The following VDAC1 variants were observed in gnomAD, a reference collection of about 807,000 sequenced individuals.
The protein encoded by VDAC1 is non-selective voltage-gated ion channel VDAC1.
Under a neutral mutation model 34.7 loss-of-function variants are expected in VDAC1, and 10 were observed. The observed-to-expected ratio is 0.29, with a 90% CI of 0.18 to 0.49. VDAC1 has a LOEUF of 0.49. Among genes scored for constraint, VDAC1 ranks in the 20% least tolerant of loss-of-function variants. The probability of loss-of-function intolerance (pLI) is 0.99; values close to 1 mark genes in which losing one functional copy is unlikely to be tolerated. For synonymous variants in VDAC1, 130 were observed against 136.0 expected (o/e 0.96, Z 0.30); for missense variants, 230 against 347.9 (o/e 0.66, Z 2.69).
chr5:134,033,138 T>C, the VDAC1 span, among the ~76,000 whole-genome samples: 1 of 148,070 alleles, frequency 6.8e-6, no homozygotes, highest in African/African-American at 2.5e-5. Context: ...CAAGGAAATC[T>C]AGGAAGTAGA....
chr5:134,027,320 T>C, the VDAC1 span, among the ~76,000 whole-genome samples: 1 of 152,132 alleles, frequency 6.6e-6, no homozygotes, highest in Non-Finnish European at 1.5e-5. Context: ...TCCCGTTGCC[T>C]CCTTCACCTG....
At chr5:134,036,790 A>G in the VDAC1 span, among the ~76,000 whole-genome samples, 7 of 152,022 alleles carry the variant, frequency 4.6e-5, no homozygotes, top group African/African-American at 1.7e-4. Context: ...CATCTCTACT[A>G]AAAATACAAA....
chr5:133,972,453 A>T lies in VDAC1; in HGVS notation c.*318T>A. The T allele has an allele frequency of 2.3e-6, 1 of 438,922 alleles. No homozygotes were observed. Among genetic ancestry groups the T allele is most frequent in the Non-Finnish European group, 4.0e-6 (1 of 250,702 alleles). 27.2% of individuals were successfully genotyped at this position (438,922 alleles called of 1,614,324 possible). ...CAGGAAATCACAATTTCATTCATTTACTCAATATGAATTTACAAAGTGCCT... is the reference window on the plus strand; with the variant it reads ...CAGGAAATCACAATTTCATTCATTTTCTCAATATGAATTTACAAAGTGCCT... On this transcript the variant is annotated 3_prime_UTR_variant, in exon 9 of 9. Transcript: ENST00000265333.
intron 5 of VDAC1, among the ~76,000 whole-genome samples, chr5:133,986,328 TCCATGATGCACCA>T (rs1282578431): frequency 6.6e-6 from 1 of 152,102 alleles, no homozygotes; most frequent in Non-Finnish European, 1.5e-5. Context: ...GTTTCTAATC[TCCATGATGCACCA>T]CCAGAACTTT....
chr5:134,038,107 C>T, the VDAC1 span, among the ~76,000 whole-genome samples: 3 of 151,938 alleles, frequency 2.0e-5, no homozygotes, highest in Non-Finnish European at 2.9e-5. Context: ...ATGTGGGTTC[C>T]CAAGCAATAA....
the VDAC1 span, among the ~76,000 whole-genome samples, chr5:134,041,695 C>A: frequency 6.6e-6 from 1 of 152,188 alleles, no homozygotes; most frequent in Non-Finnish European, 1.5e-5. Context: ...GGCCTTGGAG[C>A]CATGCCTGGG....
chr5:134,063,051 A>T, the VDAC1 span, among the ~76,000 whole-genome samples: 1 of 152,214 alleles, frequency 6.6e-6, no homozygotes, highest in Admixed American at 6.5e-5. Context: ...TTGCTTTTTT[A>T]AAATAAACTT....
chr5:134,055,702 A>G, the VDAC1 span, among the ~76,000 whole-genome samples: 2 of 143,944 alleles, frequency 1.4e-5, no homozygotes, highest in African/African-American at 5.2e-5. Context: ...TGCTGGGATT[A>G]CAGGCGTGAG....
At chr5:134,075,189 GCA>G in the VDAC1 span, among the ~76,000 whole-genome samples, 1 of 152,078 alleles carries the variant, frequency 6.6e-6, no homozygotes, top group Non-Finnish European at 1.5e-5. Context: ...TATACCATTT[GCA>G]CACAGTTCAC....
chr5:134,042,579 C>T, the VDAC1 span, among the ~76,000 whole-genome samples: 1 of 152,276 alleles, frequency 6.6e-6, no homozygotes, highest in African/African-American at 2.4e-5. Flanking sequence ...CTGCAACCTC[C>T]GCCTCCCAGG....
the VDAC1 span, among the ~76,000 whole-genome samples, chr5:134,106,414 C>CTTTTTTTT: frequency 1.4e-5 from 2 of 146,548 alleles, no homozygotes. Context: ...TTGTCATCCT[C>CTTTTTTTT]TTTTTTTTTT....
chr5:134,113,762 G>T, the VDAC1 span, among the ~76,000 whole-genome samples: 4 of 152,240 alleles, frequency 2.6e-5, no homozygotes, highest in Admixed American at 2.6e-4. Flanking sequence ...CCCGCGCTCC[G>T]CAAATCTAGA....
intron 7 of VDAC1, among the ~76,000 whole-genome samples, chr5:133,974,241 G>A (rs1752397260): frequency 6.6e-6 from 1 of 152,148 alleles, no homozygotes; most frequent in African/African-American, 2.4e-5. Context: ...AACCAGTACA[G>A]ACACCATTCT....
At chr5:134,105,506 A>C in the VDAC1 span, among the ~76,000 whole-genome samples, 1 of 152,252 alleles carries the variant, frequency 6.6e-6, no homozygotes, top group African/African-American at 2.4e-5. Context: ...ACACACAGGA[A>C]GGTGTTCTCG....
chr5:134,063,670 C>G, the VDAC1 span, among the ~76,000 whole-genome samples: 1 of 152,154 alleles, frequency 6.6e-6, no homozygotes, highest in East Asian at 1.9e-4. Flanking sequence ...GGAGGGCATC[C>G]TGGATTGTCC....
the VDAC1 span, among the ~76,000 whole-genome samples, chr5:134,033,970 C>T: frequency 2.0e-5 from 3 of 151,004 alleles, no homozygotes; most frequent in Non-Finnish European, 4.4e-5. Flanking sequence ...CCAGCCTGGG[C>T]AACAGAGCGA....
the VDAC1 span, among the ~76,000 whole-genome samples, chr5:134,102,735 A>AT: frequency 1.3e-5 from 2 of 152,224 alleles, no homozygotes; most frequent in Non-Finnish European, 2.9e-5. Flanking sequence ...CTCATGGTCA[A>AT]TTCATGACAT....
rs1752325446 is a variant in VDAC1 at position 133,972,307 on chromosome 5, A to C, written c.*464T>G. The C allele has an allele frequency of 3.5e-6, 1 of 285,766 alleles. No homozygotes were observed. The highest frequency in any genetic ancestry group is 6.4e-6 in the Non-Finnish European group (1 of 155,470). The allele number at this position is 285,766 out of a possible 1,614,324, so 17.7% of individuals were successfully genotyped here. A position where few individuals can be genotyped will look rare whatever the true frequency, so the allele number is the denominator to read the frequency against. ...TTTTGGTGTAAAAGAGATGATGATGAACTGGGGTGGGAACAGGTCATGAAG... is the reference window on the plus strand; with the variant it reads ...TTTTGGTGTAAAAGAGATGATGATGCACTGGGGTGGGAACAGGTCATGAAG... On this transcript the variant is annotated 3_prime_UTR_variant, in exon 9 of 9. Coordinates refer to ENST00000265333, the MANE Select transcript of VDAC1 (RefSeq NM_003374.3).
At chr5:134,006,476 C>T (rs1008184953), upstream of VDAC1, among the ~76,000 whole-genome samples, 4 of 152,182 alleles carry the variant, frequency 2.6e-5, no homozygotes, top group Admixed American at 2.6e-4. Flanking sequence ...GGTGCAGTGG[C>T]TCAAGCCTGT....
Sources: allele counts gnomAD v4.1 joint callset (sites outside exome capture counted in the v4.1 genomes callset), GRCh38; gene constraint gnomAD v4.1.1; transcripts MANE v1.5; gene names NCBI Gene and HGNC (gene_info 2026-07-23, HGNC 2026-07-21).